The following SIK3 variants were observed in gnomAD, a reference collection of about 807,000 sequenced individuals.
SIK3 encodes the protein SIK family kinase 3, also known as serine/threonine-protein kinase SIK3.
A neutral mutation model predicts 144.2 loss-of-function variants in SIK3; 28 were observed. The observed-to-expected ratio is 0.19, with a 90% CI of 0.14 to 0.27. The LOEUF (loss-of-function observed/expected upper bound fraction) is 0.27, where lower values mean the gene tolerates loss of function less well. SIK3 is among the 10% of genes least tolerant of loss of function. SIK3 has a pLI of 1.00. For synonymous variants in SIK3, 686 were observed against 676.3 expected, an observed-to-expected ratio of 1.01 and a Z score of -0.22; for missense variants, 1,319 against 1,776.0, an observed-to-expected ratio of 0.74 and a Z score of 4.62.
At chr11:116,859,900 G>A (rs1388225778) in intron 19 of SIK3, among the ~76,000 whole-genome samples, 3 of 152,126 alleles carry the variant, frequency 2.0e-5, no homozygotes, top group African/African-American at 7.2e-5. Flanking sequence ...TCGGATCTAG[G>A]CAGTGCTTCT....
At chr11:117,084,666 T>G (rs1162624167) in intron 1 of SIK3, among the ~76,000 whole-genome samples, 1 of 152,186 alleles carries the variant, frequency 6.6e-6, no homozygotes, top group Non-Finnish European at 1.5e-5. Flanking sequence ...GTAATTTAAT[T>G]AAATAGAATG....
intron 16 of SIK3, among the ~76,000 whole-genome samples, chr11:116,862,688 C>A (rs1479548621): frequency 6.6e-6 from 1 of 152,100 alleles, no homozygotes; most frequent in East Asian, 1.9e-4. Context: ...ACATTTCCTT[C>A]CTCTGAGAGT....
chr11:116,937,612 TTCAA>T (rs1480189610), intron 3 of SIK3, among the ~76,000 whole-genome samples: 4 of 152,208 alleles, frequency 2.6e-5, no homozygotes, highest in African/African-American at 7.2e-5. Context: ...TGGTATTGTT[TTCAA>T]TCAATCAGTC....
At chr11:117,052,505 CA>C (rs1273896535) in intron 1 of SIK3, among the ~76,000 whole-genome samples, 2 of 152,180 alleles carry the variant, frequency 1.3e-5, no homozygotes, top group Non-Finnish European at 2.9e-5. Flanking sequence ...AGCTCTCTAT[CA>C]TGTTTACAAT....
chr11:116,947,158 T>TTATATATAAATTATTATTTATATATAA (rs1948648009), intron 3 of SIK3, among the ~76,000 whole-genome samples: 1 of 135,486 alleles, frequency 7.4e-6, no homozygotes, highest in Non-Finnish European at 1.5e-5. Context: ...ATATAATATA[T>TTATATATAAATTATTATTTATATATAA]TATATATAAA....
intron 4 of SIK3, among the ~76,000 whole-genome samples, chr11:116,909,843 C>A (rs558408383): frequency 3.3e-5 from 5 of 152,216 alleles, no homozygotes; most frequent in Admixed American, 6.5e-5. Context: ...TGTATCAGAA[C>A]TCAGAGTGTA....
intron 17 of SIK3, 24 bp downstream of exon 17, chr11:116,862,178 A>G (rs761855229): frequency 1.9e-6 from 3 of 1,614,202 alleles, no homozygotes; most frequent in Non-Finnish European, 1.7e-6. Context: ...AACAAGTTGG[A>G]GAAAGCAAAG....
At chr11:116,909,896 T>C (rs1946248873) in intron 4 of SIK3, among the ~76,000 whole-genome samples, 1 of 152,172 alleles carries the variant, frequency 6.6e-6, no homozygotes, top group Admixed American at 6.5e-5. Context: ...TCAACTAAAG[T>C]TTTTGTTGAA....
rs1941956028 is a variant in SIK3, at chr11:116,846,366, G to A, written c.*13+17C>T. 5.6e-6 allele frequency: 9 copies of A among 1,610,774 alleles called. No individual in the cohort carries two copies. In the East Asian group the frequency reaches 1.8e-4, roughly 32 times the overall value. ...GGGCCACAGGGCTGGTTTGGCTCTG[G>A]CCAGGGTGACACTCACTCTCTGTTT... On this transcript the variant is annotated intron_variant, in intron 24 of 24. Coordinates refer to ENST00000445177, the MANE Select transcript of SIK3 (RefSeq NM_001366686.3). The surrounding 1 kb of genome is among the most constrained non-coding windows in gnomAD (Gnocchi z 4.1).
At chr11:116,872,568 G>C (rs902100713) in intron 13 of SIK3, among the ~76,000 whole-genome samples, 1 of 152,098 alleles carries the variant, frequency 6.6e-6, no homozygotes, top group Admixed American at 6.5e-5. Context: ...TCATGATAAG[G>C]TAAGTACAGA....
At chr11:116,874,848 C>T (rs1297876070) in intron 11 of SIK3, among the ~76,000 whole-genome samples, 1 of 152,152 alleles carries the variant, frequency 6.6e-6, no homozygotes, top group Admixed American at 6.5e-5. Context: ...AGTCTTCAAC[C>T]GTGGAACAAA....
At chr11:116,957,087 T>A (rs942718527) in intron 1 of SIK3, 23 bp from the exon 2 acceptor site, 11 of 1,379,818 alleles carry the variant, frequency 8.0e-6, no homozygotes, top group Non-Finnish European at 1.1e-5. Flanking sequence ...GGAAAAAAAT[T>A]ACTCTGATGC....
intron 21 of SIK3, among the ~76,000 whole-genome samples, chr11:116,853,405 T>C (rs1057469809): frequency 6.6e-6 from 1 of 152,210 alleles, no homozygotes; most frequent in African/African-American, 2.4e-5. Context: ...AAGAGCTACA[T>C]GCTCGAATAT....
chr11:116,928,629 C>T (rs576475), intron 3 of SIK3, among the ~76,000 whole-genome samples: 2,959 of 152,224 alleles, frequency 0.019, 110 homozygotes, highest in African/African-American at 0.066. Context: ...CAAGACTGAG[C>T]GCTTGTGGCA....
chr11:116,984,830 T>G (rs1950271995), intron 1 of SIK3, among the ~76,000 whole-genome samples: 1 of 152,210 alleles, frequency 6.6e-6, no homozygotes, highest in Non-Finnish European at 1.5e-5. Flanking sequence ...TAATAGCTTT[T>G]GGATACAAAA....
intron 4 of SIK3, among the ~76,000 whole-genome samples, chr11:116,905,348 T>A (rs1182576009): frequency 1.3e-5 from 2 of 152,262 alleles, no homozygotes; most frequent in Admixed American, 1.3e-4. Flanking sequence ...TATTTATCCA[T>A]TCATCATCTG....
intron 3 of SIK3, among the ~76,000 whole-genome samples, chr11:116,941,408 TAAAAAA>T (rs11339061): frequency 7.0e-6 from 1 of 142,742 alleles, no homozygotes; most frequent in Admixed American, 7.0e-5. Context: ...TAAAAACATG[TAAAAAA>T]AAAAAAAAAG....
Position 116,849,383 on chromosome 11 carries a change from TGAG to T in SIK3, c.3656-103_3656-101del. On this transcript the variant is annotated intron_variant, in intron 21 of 24. Coordinates refer to ENST00000445177, the MANE Select transcript of SIK3 (RefSeq NM_001366686.3). The surrounding 1 kb of genome is among the most constrained non-coding windows in gnomAD (Gnocchi z 4.2). ...TCTTGCAAGGGACAATGGGCAAGGC[TGAG>T]GAGATCATGTACACCAACCGCTGAT... 1.4e-6 allele frequency: 2 copies of T among 1,397,280 alleles called. No individual in the cohort carries two copies. Among genetic ancestry groups the T allele is most frequent in the Non-Finnish European group, 2.0e-6 (2 of 1,012,006 alleles). The allele number at this position is 1,397,280 out of a possible 1,614,324, so 86.6% of individuals were successfully genotyped here.
In SIK3 at chr11:116,875,603, T is replaced by A. The variant is rs76688651; in HGVS notation, c.1240-152A>T. On this transcript the variant is annotated intron_variant, in intron 9 of 24. Coordinates refer to ENST00000445177, the MANE Select transcript of SIK3 (RefSeq NM_001366686.3). ...CCTTAGAAGTCACAACAAGGAAGCA[T>A]CCTGTGAAGAGGATAGCATCGCCTC... 2,317 of 865,742 alleles carry A rather than the reference T, an allele frequency of 2.7e-3. 46 individuals are homozygous for A. The African/African-American group carries it at 0.034, about 13-fold the overall frequency. 53.6% of individuals were successfully genotyped at this position (865,742 alleles called of 1,614,324 possible).
Sources: allele counts gnomAD v4.1 joint callset (sites outside exome capture counted in the v4.1 genomes callset), GRCh38; gene constraint gnomAD v4.1.1; non-coding constraint Gnocchi (gnomAD v3.1); transcripts MANE v1.5; gene names NCBI Gene and HGNC (gene_info 2026-07-23, HGNC 2026-07-21).